ZNF676: variants seen among roughly 807,000 people sequenced by gnomAD.
The protein encoded by ZNF676 is zinc finger protein 676.
In ZNF676, 4 loss-of-function variants were observed where a neutral mutation model predicts 6.0. That is an observed-to-expected ratio of 0.67 (90% CI 0.33 to 1.53). ZNF676 has a LOEUF of 1.53. ZNF676 is among the 40% of genes most tolerant of loss of function. The probability of loss-of-function intolerance (pLI) is 0.06; values close to 1 mark genes in which losing one functional copy is unlikely to be tolerated. For missense variants in ZNF676, 644 were observed against 679.7 expected, an observed-to-expected ratio of 0.95 and a Z score of 0.58; for synonymous variants, 198 against 223.1, an observed-to-expected ratio of 0.89 and a Z score of 1.00.
the ZNF676 span, among the ~76,000 whole-genome samples, chr19:22,240,268 C>G: frequency 6.6e-6 from 1 of 152,014 alleles, no homozygotes; most frequent in Non-Finnish European, 1.5e-5. Flanking sequence ...TACTATTTAT[C>G]TGTTGGCATG....
intron 2 of ZNF676, among the ~76,000 whole-genome samples, chr19:22,185,862 T>C (rs1199854822): frequency 6.6e-6 from 1 of 151,880 alleles, no homozygotes; most frequent in Non-Finnish European, 1.5e-5. Context: ...AAACAAAGCC[T>C]CCAAGAAATA....
chr19:22,236,098 G>A, the ZNF676 span, among the ~76,000 whole-genome samples: 2 of 151,698 alleles, frequency 1.3e-5, no homozygotes, highest in Non-Finnish European at 2.9e-5. Flanking sequence ...AGTCCTTAAT[G>A]GTGGCACTAA....
chr19:22,218,200 C>G (rs1192971905), upstream of ZNF676, among the ~76,000 whole-genome samples: 1 of 152,156 alleles, frequency 6.6e-6, no homozygotes, highest in Non-Finnish European at 1.5e-5. Context: ...CTTGGTCATG[C>G]ACTCTTTGCC....
In ZNF676 at chr19:22,179,846, C is replaced by T. The variant is rs1473634758; in HGVS notation, c.*104G>A. 1 of 1,317,610 alleles carries T rather than the reference C, an allele frequency of 7.6e-7. No homozygotes were observed. Among genetic ancestry groups the T allele is most frequent in the Non-Finnish European group, 1.1e-6 (1 of 925,372 alleles). The allele number at this position is 1,317,610 out of a possible 1,614,324, so 81.6% of individuals were successfully genotyped here. ...ATAAAGATTGAGGACTGTTTAAAAG[C>T]TTTGCCACATTCTTCACCTTTGTAG... On this transcript the variant is annotated 3_prime_UTR_variant, in exon 3 of 3. Transcript: ENST00000397121.
chr19:22,187,578 C>G (rs1263022574), intron 2 of ZNF676, among the ~76,000 whole-genome samples: 1 of 151,124 alleles, frequency 6.6e-6, no homozygotes, highest in Non-Finnish European at 1.5e-5. Flanking sequence ...AATCCAGGAG[C>G]TATTTTTTTT....
At chr19:22,215,769 G>A (rs2024178512) in exon 1 of ZNF676, 7 of 1,139,956 alleles carry the variant, frequency 6.1e-6, no homozygotes, top group Non-Finnish European at 8.6e-6. Flanking sequence ...AGAGACAAAG[G>A]ACCGACCACA....
intron 1 of ZNF676, among the ~76,000 whole-genome samples, chr19:22,213,369 G>A (rs2024149900): frequency 6.6e-6 from 1 of 152,098 alleles, no homozygotes. Flanking sequence ...CTTCAATACC[G>A]GCATCTGATT....
At chr19:22,215,047 A>AAC (rs1282860646) in intron 1 of ZNF676, among the ~76,000 whole-genome samples, 2 of 116,782 alleles carry the variant, frequency 1.7e-5, no homozygotes, top group African/African-American at 7.9e-5. Context: ...TCTCAAAAAA[A>AAC]AAAAAAAAAA....
At chr19:22,202,214 T>C (rs1260906342) in intron 1 of ZNF676, among the ~76,000 whole-genome samples, 1 of 151,958 alleles carries the variant, frequency 6.6e-6, no homozygotes, top group African/African-American at 2.4e-5. Flanking sequence ...TGCACATATT[T>C]TACTCTGATT....
chr19:22,219,878 C>T (rs977384618), upstream of ZNF676, among the ~76,000 whole-genome samples: 2 of 152,086 alleles, frequency 1.3e-5, no homozygotes, highest in African/African-American at 4.8e-5. Flanking sequence ...TGATCTCAAA[C>T]TCCTGACCTC....
In ZNF676 at chr19:22,179,701, T is replaced by C; in HGVS notation, c.*249A>G. On this transcript the variant is annotated 3_prime_UTR_variant, in exon 3 of 3. Transcript: ENST00000397121. ...GTCTTTATCACATTCTTCGCATTTG[T>C]AGGGTTTCTCTCCAGTATGAATTCT... 1.4e-6 allele frequency: 1 copy of C among 721,864 alleles called. No individual in the cohort carries two copies. The allele number at this position is 721,864 out of a possible 1,614,324, so 44.7% of individuals were successfully genotyped here. A position where few individuals can be genotyped will look rare whatever the true frequency, so the allele number is the denominator to read the frequency against.
chr19:22,246,587 C>G, the ZNF676 span, among the ~76,000 whole-genome samples: 6 of 152,158 alleles, frequency 3.9e-5, 1 homozygote, highest in African/African-American at 9.7e-5. Flanking sequence ...GTGCAAGTCT[C>G]TGGTATGAGA....
chr19:22,251,363 G>A, the ZNF676 span, among the ~76,000 whole-genome samples: 1 of 152,206 alleles, frequency 6.6e-6, no homozygotes, highest in Admixed American at 6.5e-5. Context: ...TACACCTGTT[G>A]TTACACACTA....
chr19:22,249,222 G>C, the ZNF676 span, among the ~76,000 whole-genome samples: 1 of 152,224 alleles, frequency 6.6e-6, no homozygotes, highest in African/African-American at 2.4e-5. Flanking sequence ...TTTGGTAAAT[G>C]ATCATAAGAT....
intron 1 of ZNF676, among the ~76,000 whole-genome samples, chr19:22,206,065 AC>A (rs2024073286): frequency 2.1e-5 from 1 of 48,764 alleles, no homozygotes; most frequent in Non-Finnish European, 3.6e-5. Context: ...CAACACACAC[AC>A]ACACACACAC....
At chr19:22,190,306 G>A (rs1329848828) in intron 2 of ZNF676, among the ~76,000 whole-genome samples, 5 of 151,604 alleles carry the variant, frequency 3.3e-5, no homozygotes, top group Non-Finnish European at 7.4e-5. Context: ...CAAATATACA[G>A]GAATTTAACA....
chr19:22,210,789 A>T lies in ZNF676; in HGVS notation c.3+4843T>A, dbSNP rs569228626. ...ATAAAATACTTCTTAATCAAACTTC[A>T]CTTATTTTCTTCCCACAGGCTCCTG... On this transcript the variant is annotated intron_variant, in intron 1 of 3. Transcript: ENST00000650058. 1.4e-4 allele frequency among the ~76,000 whole-genome samples: 21 copies of T among 152,124 alleles called. No homozygotes were observed. In the South Asian group the frequency reaches 3.7e-3, roughly 27 times the overall value.
the ZNF676 span, among the ~76,000 whole-genome samples, chr19:22,251,953 AC>A: frequency 6.6e-6 from 1 of 152,076 alleles, no homozygotes; most frequent in South Asian, 2.1e-4. Flanking sequence ...ATTTTACTTT[AC>A]TGTTGTGGAT....
chr19:22,234,968 G>GAA, the ZNF676 span, among the ~76,000 whole-genome samples: 3 of 24,510 alleles, frequency 1.2e-4, no homozygotes, highest in African/African-American at 5.9e-4. Context: ...GCAAGAGAAA[G>GAA]AAAGAAAGAA....
Sources: allele counts gnomAD v4.1 joint callset (sites outside exome capture counted in the v4.1 genomes callset), GRCh38; gene constraint gnomAD v4.1.1; transcripts MANE v1.5; gene names NCBI Gene and HGNC (gene_info 2026-07-23, HGNC 2026-07-21).